KLHL13: variants seen among roughly 807,000 people sequenced by gnomAD.
KLHL13 encodes kelch like family member 13, also known as kelch-like protein 13.
KLHL13 carries 10 observed loss-of-function variants against 37.1 expected under a neutral mutation model. The observed-to-expected ratio is 0.27, with a 90% CI of 0.17 to 0.46. KLHL13 has a LOEUF of 0.46. Among genes scored for constraint, KLHL13 ranks in the 20% least tolerant of loss-of-function variants. The probability of loss-of-function intolerance (pLI) is 1.00; values close to 1 mark genes in which losing one functional copy is unlikely to be tolerated. For synonymous variants in KLHL13, 163 were observed against 181.2 expected (o/e 0.90, Z 0.81); for missense variants, 360 against 509.3 (o/e 0.71, Z 2.82).
chrX:117,993,001 C>A (rs5956837), intron 1 of KLHL13, among the ~76,000 whole-genome samples: 7 of 111,713 alleles, frequency 6.3e-5, no homozygotes, highest in Non-Finnish European at 1.1e-4. Flanking sequence ...ACACAACCCA[C>A]GGAACATCAG....
At chrX:118,083,770 A>C (rs1466465696) in intron 1 of KLHL13, among the ~76,000 whole-genome samples, 1 of 111,690 alleles carries the variant, frequency 9.0e-6, no homozygotes, top group Non-Finnish European at 1.9e-5. Context: ...CTGATATCCT[A>C]ATTACCCTGA....
chrX:117,971,954 A>G (rs1341388049), intron 1 of KLHL13, among the ~76,000 whole-genome samples: 1 of 112,075 alleles, frequency 8.9e-6, no homozygotes, highest in Non-Finnish European at 1.9e-5. Flanking sequence ...GATCATGAAC[A>G]ATACTTTAAA....
intron 1 of KLHL13, among the ~76,000 whole-genome samples, chrX:117,967,499 A>G (rs1033632459): frequency 1.8e-5 from 2 of 111,598 alleles, no homozygotes; most frequent in Non-Finnish European, 3.8e-5. Context: ...GTAACTCCGT[A>G]CTTCCCATGA....
Position 117,967,082 on chromosome X carries a change from C to T in KLHL13, c.98+5649G>A, listed in dbSNP as rs1349158600. On this transcript the variant is annotated intron_variant, in intron 1 of 6. Transcript: ENST00000262820. ...AATGGGATCTAATTAAACTCAAGAG[C>T]TTCTGCACAGCAAAAGAAACTACCA... Among the ~76,000 whole-genome samples the T allele has an allele frequency of 2.7e-5, 3 of 111,721 alleles. No homozygotes were observed. In the East Asian group the frequency reaches 8.4e-4, roughly 31 times the overall value.
At chrX:118,008,893 G>A (rs1183109595) in intron 1 of KLHL13, among the ~76,000 whole-genome samples, 1 of 111,591 alleles carries the variant, frequency 9.0e-6, no homozygotes, top group Non-Finnish European at 1.9e-5. Context: ...AAGTTATTAT[G>A]AGAATAACAT....
chrX:118,068,084 G>A (rs1380580235), intron 1 of KLHL13, among the ~76,000 whole-genome samples: 1 of 111,664 alleles, frequency 9.0e-6, no homozygotes, highest in East Asian at 2.8e-4. Context: ...CTAGGCAATA[G>A]GAATTTTTCA....
chrX:117,919,653 C>T, exon 4 of KLHL13: 1 of 1,207,612 alleles, frequency 8.3e-7, no homozygotes, highest in Non-Finnish European at 1.1e-6. Flanking sequence ...CAATAATTTT[C>T]CTTAGACCGA....
Position 117,909,713 on chromosome X carries a change from G to T in KLHL13, c.954C>A (p.Tyr318Ter). ...CTGGCTGCATATATGGCATCATTTG[G>T]TAATTGCTGGCTTCCAAAAGCAAAT... is the stretch of plus-strand genomic sequence containing the variant. Residue 318 changes from tyrosine to a stop codon, truncating the protein, a stop_gained, in exon 5 of 7, where the codon TAC becomes TAA. Transcript: ENST00000262820. LOFTEE classifies it high-confidence loss of function. 1 of 1,211,939 alleles carries T rather than the reference G, an allele frequency of 8.3e-7. No homozygotes were observed. Among genetic ancestry groups the T allele is most frequent in the Non-Finnish European group, 1.1e-6 (1 of 895,524 alleles).
chrX:117,937,628 T>C (rs750121797), intron 2 of KLHL13, among the ~76,000 whole-genome samples: 28 of 112,110 alleles, frequency 2.5e-4, no homozygotes, highest in Non-Finnish European at 2.8e-4. Flanking sequence ...AGTGTTTCCA[T>C]ACCATTTGCT....
chrX:118,031,610 T>G (rs996987137), intron 1 of KLHL13, among the ~76,000 whole-genome samples: 5 of 99,096 alleles, frequency 5.0e-5, no homozygotes, highest in Non-Finnish European at 1.0e-4. Flanking sequence ...TATTTAGTTA[T>G]ATATATATTT....
intron 2 of KLHL13, among the ~76,000 whole-genome samples, chrX:117,940,737 C>A (rs1932980950): frequency 9.0e-6 from 1 of 111,225 alleles, no homozygotes; most frequent in Non-Finnish European, 1.9e-5. Flanking sequence ...TGATTTGGAT[C>A]TCTGTTTGTC....
At chrX:118,053,711 A>T (rs1320894847) in intron 1 of KLHL13, among the ~76,000 whole-genome samples, 1 of 108,509 alleles carries the variant, frequency 9.2e-6, no homozygotes, top group Non-Finnish European at 1.9e-5. Flanking sequence ...CAGGCCTTTC[A>T]CAGAAGAATG....
At chrX:117,898,267 A>G (rs1036016425) in exon 7 of KLHL13, 3 of 112,516 alleles carry the variant, frequency 2.7e-5, no homozygotes, top group African/African-American at 6.5e-5. Flanking sequence ...ACCCTTGTTT[A>G]TAAGTAGAGG....
intron 1 of KLHL13, chrX:117,946,342 T>G (rs962529112): frequency 5.4e-5 from 6 of 112,099 alleles, no homozygotes; most frequent in African/African-American, 1.9e-4. Flanking sequence ...TGTATTTGCA[T>G]GTATTGCAGC....
intron 1 of KLHL13, among the ~76,000 whole-genome samples, chrX:118,042,285 T>C (rs974332488): frequency 1.3e-4 from 15 of 111,572 alleles, no homozygotes; most frequent in African/African-American, 3.6e-4. Flanking sequence ...ATTTTCAGCA[T>C]TGGACACATC....
chrX:117,926,885 CTTTTTTTTTTTTTTTTTTTTT>C (rs10596292), intron 2 of KLHL13, among the ~76,000 whole-genome samples: 5,961 of 26,181 alleles, frequency 0.23, 340 homozygotes, highest in Middle Eastern at 0.43. Flanking sequence ...CCCCCTACTT[CTTTTTTTTTTTTTTTTTTTTT>C]TTTTTTTTTT....
intron 1 of KLHL13, among the ~76,000 whole-genome samples, chrX:118,068,062 G>T (rs2054814026): frequency 9.0e-6 from 1 of 111,567 alleles, no homozygotes; most frequent in Admixed American, 9.6e-5. Context: ...CATTAGGAGG[G>T]ATCTGACTTC....
intron 1 of KLHL13, among the ~76,000 whole-genome samples, chrX:117,988,126 A>C (rs2053749025): frequency 8.9e-6 from 1 of 112,251 alleles, no homozygotes; most frequent in Non-Finnish European, 1.9e-5. Flanking sequence ...GGCCTGGTAG[A>C]AAAATCTCAA....
At chrX:118,095,913 G>A (rs2055199898) in intron 1 of KLHL13, among the ~76,000 whole-genome samples, 1 of 111,802 alleles carries the variant, frequency 8.9e-6, no homozygotes, top group Non-Finnish European at 1.9e-5. Flanking sequence ...AGAATCTCTG[G>A]GACACATTCA....
Sources: gnomAD v4.1 joint callset for allele counts (sites outside exome capture counted in the v4.1 genomes callset) on GRCh38, gnomAD v4.1.1 for gene constraint, MANE v1.5 for transcripts, NCBI Gene and HGNC (gene_info 2026-07-23, HGNC 2026-07-21) for gene names.